Variants in AOAH observed in about 807,000 individuals in gnomAD.
AOAH encodes acyloxyacyl hydrolase (neutrophil).
In AOAH, 64 loss-of-function variants were observed where a neutral mutation model predicts 92.2. That is an observed-to-expected ratio of 0.69 (90% CI 0.57 to 0.86). The LOEUF (loss-of-function observed/expected upper bound fraction) is 0.86, where lower values mean the gene tolerates loss of function less well. AOAH is among the 40% of genes least tolerant of loss of function. The pLI is 0.00. For missense variants in AOAH, 656 were observed against 694.6 expected, an observed-to-expected ratio of 0.94 and a Z score of 0.62; for synonymous variants, 263 against 254.5, an observed-to-expected ratio of 1.03 and a Z score of -0.32.
rs1335122733 is a variant in AOAH at position 36,532,163 on chromosome 7, C to T, written c.1409G>A (p.Arg470Gln). Reference protein sequence around the residue: ...HGWMSSNKTLRTLTSERAEQL... With the variant: ...HGWMSSNKTLQTLTSERAEQL... The stretch of plus-strand genomic sequence containing the variant: ...CAGTCATACCTCTGAAGTGAGAGTC[C>T]GCAACGTCTTGTTGGAAGACATCCA... Residue 470 changes from arginine (R) to glutamine (Q), a missense_variant, in exon 18 of 21, where the codon CGG (arginine) becomes CAG (glutamine). Transcript: ENST00000617537. The T allele has an allele frequency of 1.1e-5, 17 of 1,614,018 alleles. No individual in the cohort carries two copies. The highest frequency in any genetic ancestry group is 4.0e-5 in the African/African-American group (3 of 74,896).
chr7:36,610,497 C>CT lies in AOAH; in HGVS notation c.846+5882dup, dbSNP rs60730967. On this transcript the variant is annotated intron_variant, in intron 11 of 20. Coordinates refer to ENST00000617537, the MANE Select transcript of AOAH (RefSeq NM_001637.4). ...ATTAGCTCTATCATTGGCTTTATAA[C>CT]TTTTTTTTTTTTTTAAAAAAAAAGA... Among the ~76,000 whole-genome samples the CT allele has an allele frequency of 4.4e-3, 432 of 98,960 alleles. 2 individuals carry two copies. Among genetic ancestry groups the CT allele is most frequent in the Middle Eastern group, 0.015 (3 of 204 alleles). 64.9% of individuals were successfully genotyped at this position (98,960 alleles called of 152,430 possible).
chr7:36,650,719 A>G (rs1291921838), intron 4 of AOAH, among the ~76,000 whole-genome samples: 1 of 152,174 alleles, frequency 6.6e-6, no homozygotes, highest in South Asian at 2.1e-4. Flanking sequence ...CTCACAAGGG[A>G]GAAGGTAAGG....
At chr7:36,596,197 T>G (rs1366780660) in intron 11 of AOAH, among the ~76,000 whole-genome samples, 1 of 132,472 alleles carries the variant, frequency 7.5e-6, no homozygotes, top group East Asian at 2.5e-4. Flanking sequence ...CCCTAAGAGA[T>G]AACTCTTGTG....
At chr7:36,531,025 T>C (rs1784660502) in intron 18 of AOAH, among the ~76,000 whole-genome samples, 1 of 152,216 alleles carries the variant, frequency 6.6e-6, no homozygotes, top group South Asian at 2.1e-4. Context: ...ACAATCTAAA[T>C]GTCCAACAAC....
intron 12 of AOAH, among the ~76,000 whole-genome samples, chr7:36,578,718 C>T (rs1197382671): frequency 6.6e-6 from 1 of 152,052 alleles, no homozygotes; most frequent in East Asian, 1.9e-4. Context: ...TCAATGATTG[C>T]TTTCTAATTT....
intron 1 of AOAH, among the ~76,000 whole-genome samples, chr7:36,694,235 G>T (rs1051675112): frequency 5.3e-5 from 8 of 152,028 alleles, no homozygotes; most frequent in Non-Finnish European, 1.0e-4. Flanking sequence ...GGTGGCTCAC[G>T]ACTGTAATCC....
intron 11 of AOAH, among the ~76,000 whole-genome samples, chr7:36,598,603 C>A (rs1362848295): frequency 6.6e-6 from 1 of 152,210 alleles, no homozygotes; most frequent in African/African-American, 2.4e-5. Flanking sequence ...CACCTAGTGT[C>A]CCTTTCCAAG....
At chr7:36,678,600 T>TGTGTGTGTGTGTGTGC (rs549317369) in intron 2 of AOAH, among the ~76,000 whole-genome samples, 156 of 131,048 alleles carry the variant, frequency 1.2e-3, no homozygotes, top group Admixed American at 1.7e-3. Context: ...TGTGTGTGTG[T>TGTGTGTGTGTGTGTGC]GCGCGCGCGC....
chr7:36,536,380 C>CT (rs1216722402), intron 16 of AOAH, among the ~76,000 whole-genome samples: 4 of 151,762 alleles, frequency 2.6e-5, no homozygotes, highest in South Asian at 2.1e-4. Context: ...CTTCCCCCTA[C>CT]TTTTTTTTTC....
intron 4 of AOAH, 60 bp from the exon 5 acceptor site, chr7:36,637,970 T>G: frequency 7.3e-7 from 1 of 1,369,496 alleles, no homozygotes; most frequent in Non-Finnish European, 1.0e-6. Flanking sequence ...TCCTACATCT[T>G]TTCTAAAATT....
chr7:36,630,977 C>A (rs779031113), intron 6 of AOAH, among the ~76,000 whole-genome samples: 2 of 152,122 alleles, frequency 1.3e-5, no homozygotes, highest in African/African-American at 4.8e-5. Context: ...GGAAACATAT[C>A]GAAAGTTCAG....
rs965546558 is a variant in AOAH, at chr7:36,603,722, G to A, written c.847-9292C>T. On this transcript the variant is annotated intron_variant, in intron 11 of 20. Coordinates refer to ENST00000617537, the MANE Select transcript of AOAH (RefSeq NM_001637.4). ...AGGGAGGGCAGTGTCTGACCCAAGG[G>A]CCATAGTTTTCTGACCTCTACTCTA... Among the ~76,000 whole-genome samples, 3 of 152,156 alleles carry A rather than the reference G, an allele frequency of 2.0e-5. No homozygotes were observed. The South Asian group carries it at 6.2e-4, about 32-fold the overall frequency.
At chr7:36,517,275 TC>T (rs1783837919) in intron 20 of AOAH, among the ~76,000 whole-genome samples, 1 of 149,052 alleles carries the variant, frequency 6.7e-6, no homozygotes, top group Non-Finnish European at 1.5e-5. Context: ...TTTCTTTCTT[TC>T]TTTCTTTCTT....
chr7:36,624,694 G>C (rs970212159), intron 6 of AOAH, among the ~76,000 whole-genome samples: 1 of 152,214 alleles, frequency 6.6e-6, no homozygotes, highest in African/African-American at 2.4e-5. Context: ...TCCCTTCAGT[G>C]ACTCTACCTC....
chr7:36,663,822 G>A (rs1795366409), intron 3 of AOAH, among the ~76,000 whole-genome samples: 1 of 152,094 alleles, frequency 6.6e-6, no homozygotes, highest in African/African-American at 2.4e-5. Context: ...ATACCCAGCG[G>A]TATGAATCCT....
intron 1 of AOAH, among the ~76,000 whole-genome samples, chr7:36,709,042 T>C (rs978913400): frequency 1.3e-5 from 2 of 152,116 alleles, no homozygotes; most frequent in African/African-American, 4.8e-5. Context: ...GACACATGCA[T>C]GGTTTCCCAA....
chr7:36,514,574 A>T (rs1260556889), intron 20 of AOAH: 1 of 1,535,628 alleles, frequency 6.5e-7, no homozygotes, highest in South Asian at 1.2e-5. Flanking sequence ...TATGCCTTTG[A>T]GGAGGATGCT....
intron 8 of AOAH, 107 bp from the exon 9 acceptor site, chr7:36,620,936 C>G: frequency 9.6e-7 from 1 of 1,041,176 alleles, no homozygotes; most frequent in East Asian, 2.6e-5. Context: ...ACACGAAGTG[C>G]CATGGAGAGA....
At chr7:36,532,456 C>A in intron 16 of AOAH, 112 bp from the exon 17 acceptor site, 1 of 992,752 alleles carries the variant, frequency 1.0e-6, no homozygotes, top group South Asian at 1.3e-5. Flanking sequence ...CCAGGGTGTT[C>A]CCCTGATTTT....
Sources: allele counts gnomAD v4.1 joint callset (sites outside exome capture counted in the v4.1 genomes callset), GRCh38; gene constraint gnomAD v4.1.1; transcripts MANE v1.5; gene names NCBI Gene and HGNC (gene_info 2026-07-23, HGNC 2026-07-21).